EGFLAM: variants seen among roughly 807,000 people sequenced by gnomAD.
EGFLAM encodes the protein EGF like, fibronectin type III and laminin G domains, also known as pikachurin.
A neutral mutation model predicts 113.1 loss-of-function variants in EGFLAM; 79 were observed. That is an observed-to-expected ratio of 0.70 (90% CI 0.58 to 0.84). The LOEUF (loss-of-function observed/expected upper bound fraction) is 0.84, where lower values mean the gene tolerates loss of function less well. EGFLAM is among the 40% of genes least tolerant of loss of function. The pLI is 0.00. For missense variants in EGFLAM, 1,265 were observed against 1,291.6 expected, an observed-to-expected ratio of 0.98 and a Z score of 0.32; for synonymous variants, 504 against 487.6, an observed-to-expected ratio of 1.03 and a Z score of -0.44.
At chr5:38,436,301 C>G (rs1217138217) in intron 16 of EGFLAM, among the ~76,000 whole-genome samples, 1 of 152,162 alleles carries the variant, frequency 6.6e-6, no homozygotes, top group African/African-American at 2.4e-5. Context: ...TCCTGTTTTC[C>G]TTTAGTGACC....
chr5:38,449,544 C>G (rs1052883630), intron 18 of EGFLAM, among the ~76,000 whole-genome samples: 4 of 152,114 alleles, frequency 2.6e-5, no homozygotes, highest in Non-Finnish European at 4.4e-5. Flanking sequence ...CCTTCAGTCT[C>G]TGGGGGTTAG....
chr5:38,278,067 G>A (rs1181158189), intron 1 of EGFLAM, among the ~76,000 whole-genome samples: 1 of 151,832 alleles, frequency 6.6e-6, no homozygotes, highest in South Asian at 2.1e-4. Flanking sequence ...AACCACAAAA[G>A]GCCCCAAATA....
chr5:38,349,844 G>A (rs982135161), intron 3 of EGFLAM, among the ~76,000 whole-genome samples: 2 of 138,060 alleles, frequency 1.4e-5, no homozygotes, highest in Admixed American at 7.8e-5. Flanking sequence ...TTCTGATACT[G>A]TTTAAAATTT....
intron 15 of EGFLAM, among the ~76,000 whole-genome samples, chr5:38,434,637 G>A (rs1206181557): frequency 6.6e-6 from 1 of 152,208 alleles, no homozygotes; most frequent in Non-Finnish European, 1.5e-5. Flanking sequence ...GTTAGCTGCA[G>A]CTGTAATCTG....
intron 1 of EGFLAM, among the ~76,000 whole-genome samples, chr5:38,268,985 T>A (rs918823911): frequency 6.6e-6 from 1 of 152,140 alleles, no homozygotes; most frequent in African/African-American, 2.4e-5. Flanking sequence ...GAGACCAGCC[T>A]GGGCAACATG....
chr5:38,463,284 A>T (rs1307295276), intron 21 of EGFLAM, among the ~76,000 whole-genome samples: 1 of 152,216 alleles, frequency 6.6e-6, no homozygotes, highest in Non-Finnish European at 1.5e-5. Context: ...ATATAGCTCC[A>T]TGAGTTCTCT....
At chr5:38,390,813 T>C (rs1475600020) in intron 6 of EGFLAM, among the ~76,000 whole-genome samples, 1 of 152,164 alleles carries the variant, frequency 6.6e-6, no homozygotes, top group East Asian at 1.9e-4. Context: ...GTCCATTTTA[T>C]TGGTATAAAT....
chr5:38,444,435 T>A (rs537324529), intron 17 of EGFLAM, among the ~76,000 whole-genome samples: 68 of 152,242 alleles, frequency 4.5e-4, no homozygotes, highest in African/African-American at 1.6e-3. Context: ...TAATATATAG[T>A]TTCAAATAAC....
At chr5:38,459,383 A>G (rs1743199571) in intron 20 of EGFLAM, among the ~76,000 whole-genome samples, 1 of 151,782 alleles carries the variant, frequency 6.6e-6, no homozygotes, top group South Asian at 2.1e-4. Context: ...TATCTCCCCC[A>G]TCACAGAGGT....
intron 1 of EGFLAM, among the ~76,000 whole-genome samples, chr5:38,333,388 C>G (rs984991560): frequency 1.3e-5 from 2 of 152,198 alleles, no homozygotes; most frequent in African/African-American, 4.8e-5. Context: ...CTGCTTTTCA[C>G]AATGATTAAG....
At chr5:38,303,197 T>C (rs1334641459) in intron 1 of EGFLAM, among the ~76,000 whole-genome samples, 1 of 152,182 alleles carries the variant, frequency 6.6e-6, no homozygotes, top group Non-Finnish European at 1.5e-5. Context: ...TCTCCCCAAG[T>C]CTACTATAGT....
At chr5:38,346,006 C>T (rs918315176) in intron 3 of EGFLAM, among the ~76,000 whole-genome samples, 2 of 152,154 alleles carry the variant, frequency 1.3e-5, no homozygotes, top group Non-Finnish European at 2.9e-5. Context: ...CCTGACCACT[C>T]AGCCCCCTTG....
chr5:38,263,233 G>T (rs1757547231), intron 1 of EGFLAM, among the ~76,000 whole-genome samples: 1 of 152,174 alleles, frequency 6.6e-6, no homozygotes, highest in African/African-American at 2.4e-5. Context: ...AGGCCAAGGT[G>T]GGCAGATCAC....
chr5:38,320,623 C>CGT (rs1005085520), intron 1 of EGFLAM, among the ~76,000 whole-genome samples: 2 of 151,778 alleles, frequency 1.3e-5, no homozygotes, highest in African/African-American at 4.8e-5. Context: ...CATATGCTTA[C>CGT]GTGTGTGTGT....
chr5:38,318,751 G>A (rs1273979356), intron 1 of EGFLAM, among the ~76,000 whole-genome samples: 2 of 152,014 alleles, frequency 1.3e-5, no homozygotes, highest in African/African-American at 2.4e-5. Context: ...TGATCTACCC[G>A]CATCGGCCTC....
In EGFLAM at chr5:38,465,037, A is replaced by T. The variant is rs927893811; in HGVS notation, c.*1051A>T. The T allele has an allele frequency of 6.6e-6, 1 of 152,144 alleles. No homozygotes were observed. The highest frequency in any genetic ancestry group is 1.5e-5 in the Non-Finnish European group (1 of 68,040). 9.4% of individuals were successfully genotyped at this position (152,144 alleles called of 1,614,324 possible). On this transcript the variant is annotated 3_prime_UTR_variant, in exon 22 of 22. Coordinates refer to ENST00000322350, the MANE Select transcript of EGFLAM (RefSeq NM_152403.4). Reference sequence around the variant, plus strand: ...CTAGAACTTATTCATTCATTCATTCACTTATGGAGTTGTTACTGATTTTGC... The same window carrying T: ...CTAGAACTTATTCATTCATTCATTCTCTTATGGAGTTGTTACTGATTTTGC...
intron 1 of EGFLAM, among the ~76,000 whole-genome samples, chr5:38,271,855 C>T (rs892174328): frequency 6.6e-6 from 1 of 152,228 alleles, no homozygotes; most frequent in African/African-American, 2.4e-5. Flanking sequence ...AATGGATTAT[C>T]TTACACATGG....
rs1312787524 is a variant in EGFLAM at position 38,431,253 on chromosome 5, G to T, written c.2131G>T (p.Val711Leu). Residue 711 changes from valine to leucine, a missense_variant, in exon 15 of 22, where the codon GTG becomes TTG. Coordinates refer to ENST00000322350, the MANE Select transcript of EGFLAM (RefSeq NM_152403.4). The stretch of plus-strand genomic sequence containing the variant: ...CACAGCAAAGAATGGAATCTTACAG[G>T]TGGATAAGCAGAAGATAGTGGAGGG... ...SRTAKNGILQ[V>L]DKQKIVEGMA... The T allele has an allele frequency of 6.2e-7, 1 of 1,614,176 alleles. No individual in the cohort carries two copies.
intron 1 of EGFLAM, chr5:38,291,136 C>T (rs753554714): frequency 6.6e-6 from 1 of 152,240 alleles, no homozygotes; most frequent in Non-Finnish European, 1.5e-5. Context: ...GCCACACTCA[C>T]TCTGTGGTGT....
Sources: gnomAD v4.1 joint callset for allele counts (sites outside exome capture counted in the v4.1 genomes callset) on GRCh38, gnomAD v4.1.1 for gene constraint, MANE v1.5 for transcripts, NCBI Gene and HGNC (gene_info 2026-07-23, HGNC 2026-07-21) for gene names.